Variants in VTI1A observed in about 807,000 individuals in gnomAD.
VTI1A encodes vesicle transport through interaction with t-SNAREs homolog 1A.
In VTI1A, 22 loss-of-function variants were observed where a neutral mutation model predicts 34.9. The ratio of observed to expected loss-of-function variants is 0.63; its 90% CI spans 0.45 to 0.90. VTI1A has a LOEUF of 0.90. VTI1A is among the 40% of genes least tolerant of loss of function. The pLI is 0.00. For synonymous variants in VTI1A, 87 were observed against 97.3 expected, an observed-to-expected ratio of 0.89 and a Z score of 0.62; for missense variants, 268 against 275.6, an observed-to-expected ratio of 0.97 and a Z score of 0.20.
At chr10:112,621,998 G>A (rs1422644307) in intron 5 of VTI1A, among the ~76,000 whole-genome samples, 2 of 152,160 alleles carry the variant, frequency 1.3e-5, no homozygotes, top group East Asian at 1.9e-4. Flanking sequence ...TCGAGAGAGA[G>A]AAGAAGGAGA....
intron 5 of VTI1A, among the ~76,000 whole-genome samples, chr10:112,618,036 C>G (rs1205941079): frequency 6.6e-6 from 1 of 152,050 alleles, no homozygotes; most frequent in Admixed American, 6.5e-5. Context: ...TGCCTGTAAT[C>G]CCAGCTACTT....
At chr10:112,466,091 A>G (rs926314306) in intron 3 of VTI1A, among the ~76,000 whole-genome samples, 2 of 152,234 alleles carry the variant, frequency 1.3e-5, no homozygotes, top group African/African-American at 2.4e-5. Context: ...TATGAGCAAC[A>G]GAAGTCATGT....
chr10:112,737,971 C>G, intron 7 of VTI1A: 1 of 852,954 alleles, frequency 1.2e-6, no homozygotes, highest in Non-Finnish European at 1.4e-6. Flanking sequence ...GGGCCTCCTG[C>G]AAGTCCTCCG....
intron 5 of VTI1A, among the ~76,000 whole-genome samples, chr10:112,581,426 T>C (rs1843932093): frequency 6.6e-6 from 1 of 152,252 alleles, no homozygotes. Context: ...CTGATTTTTA[T>C]TGGGACTCAT....
Position 112,520,024 on chromosome 10 carries a change from C to T in VTI1A, c.265-7063C>T, listed in dbSNP as rs188513269. On this transcript the variant is annotated intron_variant, in intron 3 of 7. Transcript: ENST00000393077. ...TACAAATGAAGCATCTATTGCAAAA[C>T]ATTTATTTATCAGAGTAACATTTTC... 1.9e-3 allele frequency among the ~76,000 whole-genome samples: 294 copies of T among 152,068 alleles called. 1 individual carries two copies. The highest frequency in any genetic ancestry group is 3.4e-3 in the Middle Eastern group (1 of 294).
At chr10:112,476,747 T>C (rs541887789) in intron 3 of VTI1A, among the ~76,000 whole-genome samples, 1 of 152,206 alleles carries the variant, frequency 6.6e-6, no homozygotes, top group South Asian at 2.1e-4. Context: ...TTTGCCAAAC[T>C]GAAGTAAGGT....
intron 7 of VTI1A, among the ~76,000 whole-genome samples, chr10:112,712,265 A>G (rs926936644): frequency 6.6e-6 from 1 of 151,994 alleles, no homozygotes; most frequent in Non-Finnish European, 1.5e-5. Flanking sequence ...ACTCTTGCAA[A>G]TCTCTTTTTA....
chr10:112,493,276 A>G (rs1197989934), intron 3 of VTI1A, among the ~76,000 whole-genome samples: 1 of 152,000 alleles, frequency 6.6e-6, no homozygotes. Context: ...TTGTTAGTAC[A>G]TGGAAATACA....
intron 7 of VTI1A, among the ~76,000 whole-genome samples, chr10:112,783,512 G>A (rs1852197068): frequency 6.6e-6 from 1 of 152,154 alleles, no homozygotes; most frequent in South Asian, 2.1e-4. Flanking sequence ...ACGGTGTTCA[G>A]ATGAATTATG....
intron 7 of VTI1A, among the ~76,000 whole-genome samples, chr10:112,684,836 A>G (rs1848347455): frequency 6.6e-6 from 1 of 152,196 alleles, no homozygotes; most frequent in Non-Finnish European, 1.5e-5. Context: ...CAAGAAAGGT[A>G]TATGATTTGG....
chr10:112,838,739 C>G, the VTI1A span, among the ~76,000 whole-genome samples: 1 of 152,174 alleles, frequency 6.6e-6, no homozygotes, highest in East Asian at 1.9e-4. Flanking sequence ...CAGCTCACTG[C>G]GCTTCCAGGC....
intron 5 of VTI1A, among the ~76,000 whole-genome samples, chr10:112,556,756 C>A (rs950845460): frequency 6.6e-6 from 1 of 151,852 alleles, no homozygotes; most frequent in Non-Finnish European, 1.5e-5. Flanking sequence ...GTTTTTCAAG[C>A]GATGAATGCC....
rs1250254627 is a variant in VTI1A at position 112,818,623 on chromosome 10, A to G, written c.*3240A>G. On this transcript the variant is annotated 3_prime_UTR_variant, in exon 8 of 8. Transcript: ENST00000393077. ...GCTCATTAAATCATAAAAACTTGAC[A>G]AGGAAATAATTGCGCATTGCCAGCA... 1 of 220,792 alleles carries G rather than the reference A, an allele frequency of 4.5e-6. No individual in the cohort carries two copies. The highest frequency in any genetic ancestry group is 9.1e-6 in the Non-Finnish European group (1 of 109,942). The allele number at this position is 220,792 out of a possible 1,614,324, so 13.7% of individuals were successfully genotyped here.
chr10:112,727,369 G>A (rs1007896568), intron 7 of VTI1A, among the ~76,000 whole-genome samples: 1 of 151,884 alleles, frequency 6.6e-6, no homozygotes, highest in African/African-American at 2.4e-5. Context: ...GGTGAGCAGA[G>A]CAAAACTGTT....
chr10:112,538,145 C>T, intron 4 of VTI1A, 101 bp from the exon 5 acceptor site: 2 of 938,610 alleles, frequency 2.1e-6, no homozygotes, highest in South Asian at 1.5e-5. Context: ...CGAACCCCCC[C>T]ACCCCATGTT....
chr10:112,852,616 C>T, the VTI1A span, among the ~76,000 whole-genome samples: 1 of 152,216 alleles, frequency 6.6e-6, no homozygotes, highest in Non-Finnish European at 1.5e-5. Context: ...CTGTGCCACT[C>T]ACCTTTTGTG....
intron 5 of VTI1A, among the ~76,000 whole-genome samples, chr10:112,606,320 C>T (rs1207891783): frequency 1.3e-5 from 2 of 152,086 alleles, no homozygotes; most frequent in Admixed American, 6.5e-5. Context: ...CCACCGCGCC[C>T]GGCCATTGCG....
At chr10:112,599,754 A>T (rs1844811130) in intron 5 of VTI1A, among the ~76,000 whole-genome samples, 1 of 151,932 alleles carries the variant, frequency 6.6e-6, no homozygotes, top group African/African-American at 2.4e-5. Context: ...TAATTTTTAA[A>T]TTTTTTGTCA....
the VTI1A span, among the ~76,000 whole-genome samples, chr10:112,836,582 T>C: frequency 6.4e-4 from 97 of 152,292 alleles, no homozygotes; most frequent in Non-Finnish European, 1.1e-3. Flanking sequence ...CAAATCTTAG[T>C]TGGGGGCTTC....
Sources: gnomAD v4.1 joint callset for allele counts (sites outside exome capture counted in the v4.1 genomes callset) on GRCh38, gnomAD v4.1.1 for gene constraint, MANE v1.5 for transcripts, NCBI Gene and HGNC (gene_info 2026-07-23, HGNC 2026-07-21) for gene names.